Variants in KMT2C observed in about 807,000 individuals in gnomAD.
KMT2C encodes the protein histone-lysine N-methyltransferase 2C.
Under a neutral mutation model 507.9 loss-of-function variants are expected in KMT2C, and 88 were observed. That is an observed-to-expected ratio of 0.17 (90% CI 0.15 to 0.21). The LOEUF is 0.21. Ranked by LOEUF, KMT2C falls within the 10% of genes least tolerant of loss-of-function variation. The probability of loss-of-function intolerance (pLI) is 1.00; values close to 1 mark genes in which losing one functional copy is unlikely to be tolerated. For synonymous variants in KMT2C, 2,049 were observed against 2,080.8 expected (o/e 0.98, Z 0.42); for missense variants, 4,954 against 5,957.8 (o/e 0.83, Z 5.55).
At position 152,179,666 on chromosome 7, in the gene KMT2C, G is replaced by C. The variant is rs569646736; in HGVS notation, c.7442+168C>G. 1.4e-3 allele frequency among the ~76,000 whole-genome samples: 204 copies of C among 144,062 alleles called. 5 individuals are homozygous for C. The highest frequency in any genetic ancestry group is 8.5e-3 in the East Asian group (42 of 4,924). The allele number at this position is 144,062 out of a possible 152,430, so 94.5% of individuals were successfully genotyped here. ...TAAATTTGTTGAAGAGGTTGGGGGG[G>C]GGGGGGGGTGGTCTCACTATATTGC... On this transcript the variant is annotated intron_variant, in intron 37 of 58. Transcript: ENST00000262189.
At position 152,176,753 on chromosome 7, in the gene KMT2C, T is replaced by G. The variant is rs2129113590; in HGVS notation, c.8700A>C (p.Leu2900=). The change falls in exon 38 of 59, where the codon CTA becomes CTC. Residue 2900 remains leucine (L), a synonymous_variant. Coordinates refer to ENST00000262189, the MANE Select transcript of KMT2C (RefSeq NM_170606.3). ...SANVIQASTQ[L]PAQDVINSCG... The stretch of plus-strand genomic sequence containing the variant: ...AAGAGTTTATTACATCTTGAGCAGG[T>G]AGTTGAGTGGATGCCTGAATGACAT... 4.3e-6 allele frequency: 7 copies of G among 1,614,186 alleles called. No homozygotes were observed. The highest frequency in any genetic ancestry group is 5.9e-6 in the Non-Finnish European group (7 of 1,180,028).
chr7:152,264,330 T>C (rs2095827532), intron 8 of KMT2C, among the ~76,000 whole-genome samples: 1 of 152,288 alleles, frequency 6.6e-6, no homozygotes, highest in East Asian at 1.9e-4. Context: ...ATGAAGATAC[T>C]GGTAACATCC....
intron 1 of KMT2C, among the ~76,000 whole-genome samples, chr7:152,373,663 G>T (rs1357898848): frequency 1.3e-5 from 2 of 152,146 alleles, no homozygotes; most frequent in African/African-American, 4.8e-5. Context: ...TTTATCAACT[G>T]AAATGTTAAA....
intron 2 of KMT2C, among the ~76,000 whole-genome samples, chr7:152,355,614 A>T (rs369258119): frequency 5.3e-5 from 8 of 151,992 alleles, no homozygotes; most frequent in African/African-American, 1.7e-4. Flanking sequence ...GTCAAGTTTT[A>T]AAAAAAAGTT....
intron 6 of KMT2C, among the ~76,000 whole-genome samples, chr7:152,282,458 A>G (rs1340878999): frequency 6.6e-6 from 1 of 152,272 alleles, no homozygotes; most frequent in Non-Finnish European, 1.5e-5. Flanking sequence ...ACGGTAAAAT[A>G]AATAAATTAT....
At position 152,179,822 on chromosome 7, in the gene KMT2C, TA is replaced by T; in HGVS notation, c.7442+11del. The T allele has an allele frequency of 6.2e-7, 1 of 1,610,548 alleles. No homozygotes were observed. Among genetic ancestry groups the T allele is most frequent in the Non-Finnish European group, 8.5e-7 (1 of 1,177,970 alleles). On this transcript the variant is annotated intron_variant, in intron 37 of 58. Coordinates refer to ENST00000262189, the MANE Select transcript of KMT2C (RefSeq NM_170606.3). ...TAGCAATTTAAATTCGGCAGGAAATTAAAAGCATTACCTAAATCCATGAGGT... is the reference window on the plus strand; with the variant it reads ...TAGCAATTTAAATTCGGCAGGAAATTAAAGCATTACCTAAATCCATGAGGT...
Position 152,167,048 on chromosome 7 carries a change from CAAA to C in KMT2C, c.9750+95_9750+97del, listed in dbSNP as rs758737694. ...ACTTTTAATGCCATTTAATACTAGT[CAAA>C]AAAAATCACTAGTCAAAGTCACTAA... On this transcript the variant is annotated intron_variant, in intron 42 of 58. Transcript: ENST00000262189. 1.6e-5 allele frequency: 15 copies of C among 959,990 alleles called. No homozygotes were observed. The South Asian group carries it at 2.4e-4, about 16-fold the overall frequency. The allele number at this position is 959,990 out of a possible 1,614,324, so 59.5% of individuals were successfully genotyped here. A position where few individuals can be genotyped will look rare whatever the true frequency, so the allele number is the denominator to read the frequency against.
chr7:152,140,596 A>G (rs1281899986), intron 55 of KMT2C, among the ~76,000 whole-genome samples: 1 of 152,224 alleles, frequency 6.6e-6, no homozygotes, highest in Non-Finnish European at 1.5e-5. Context: ...AACTGAATGC[A>G]AAAGTACTAG....
At chr7:152,330,779 T>C (rs1297926826) in intron 2 of KMT2C, 40 bp from the exon 3 acceptor site, 2 of 1,594,396 alleles carry the variant, frequency 1.3e-6, no homozygotes, top group South Asian at 2.2e-5. Flanking sequence ...GAGTCATTTT[T>C]GTGTTTATTT....
chr7:152,243,057 G>A (rs1237650971), intron 14 of KMT2C, among the ~76,000 whole-genome samples: 110 of 152,312 alleles, frequency 7.2e-4, no homozygotes, highest in African/African-American at 2.5e-3. Context: ...ATACAGTGGA[G>A]CTACAGCAGC....
chr7:152,185,606 A>G lies in KMT2C; in HGVS notation c.5034T>C (p.Ile1678=). The change falls in exon 34 of 59, where the codon ATT becomes ATC. Residue 1678 remains isoleucine, a synonymous_variant. Coordinates refer to ENST00000262189, the MANE Select transcript of KMT2C (RefSeq NM_170606.3). ...FPDWTTRVKQ[I]AKLWRKASSQ... is the part of the protein sequence containing the mutation. ...AGCTTGCTTTTCTCCACAATTTGGC[A>G]ATTTGCTTCACTCTAGTAGTCCAAT... The G allele has an allele frequency of 6.2e-7, 1 of 1,613,550 alleles. No individual in the cohort carries two copies. Among genetic ancestry groups the G allele is most frequent in the Non-Finnish European group, 8.5e-7 (1 of 1,179,846 alleles).
At position 152,310,414 on chromosome 7, in the gene KMT2C, A is replaced by G. The variant is rs547844900; in HGVS notation, c.740-339T>C. Among the ~76,000 whole-genome samples, 7 of 152,244 alleles carry G rather than the reference A, an allele frequency of 4.6e-5. No individual in the cohort carries two copies. The South Asian group carries it at 1.2e-3, about 27-fold the overall frequency. On this transcript the variant is annotated intron_variant, in intron 5 of 58. Coordinates refer to ENST00000262189, the MANE Select transcript of KMT2C (RefSeq NM_170606.3). Reference sequence around the variant, plus strand: ...AACATGGCAAAACCCTGTCTCTACAAATTAGCTGGGCGTGGTGGTGCACGC... The same window carrying G: ...AACATGGCAAAACCCTGTCTCTACAGATTAGCTGGGCGTGGTGGTGCACGC...
Position 152,248,573 on chromosome 7 carries a change from T to C in KMT2C, c.1861A>G (p.Asn621Asp). 3 of 1,613,558 alleles carry C rather than the reference T, an allele frequency of 1.9e-6. No individual in the cohort carries two copies. Among genetic ancestry groups the C allele is most frequent in the Non-Finnish European group, 2.5e-6 (3 of 1,179,604 alleles). The change falls in exon 14 of 59, where the codon AAT (asparagine) becomes GAT (aspartate). Residue 621 changes from asparagine to aspartate, a missense_variant. Asn to Asp is a conservative substitution (Grantham distance 23). Around this residue, in one of 29 missense-constraint regions of KMT2C, gnomAD observed 376 missense variants for 352.4 expected, o/e 1.07. Transcript: ENST00000262189. ...VNTELEKQISNEVDSEDLKMS... is the reference protein window; with the variant it reads ...VNTELEKQISDEVDSEDLKMS... ...TTCAGGTCTTCACTATCAACTTCAT[T>C]AGAAATCTGTTTTTCCAATTCAGTA...
chr7:152,239,027 C>T (rs2095335539), intron 14 of KMT2C: 2 of 464,792 alleles, frequency 4.3e-6, no homozygotes, highest in East Asian at 4.4e-5. Flanking sequence ...TTTGCTGCTA[C>T]AATTTACATT....
In KMT2C at chr7:152,171,773, T is replaced by A. The variant is rs553535911; in HGVS notation, c.9375-431A>T. Among the ~76,000 whole-genome samples, 29 of 152,360 alleles carry A rather than the reference T, an allele frequency of 1.9e-4. No individual in the cohort carries two copies. The South Asian group carries it at 5.6e-3, about 29-fold the overall frequency. Reference sequence around the variant, plus strand: ...AAGGAAATGTTTTCTCATTCCAGTCTGTGTTAAAAACTAATTGAGAGCTTA... The same window carrying A: ...AAGGAAATGTTTTCTCATTCCAGTCAGTGTTAAAAACTAATTGAGAGCTTA... On this transcript the variant is annotated intron_variant, in intron 39 of 58. Coordinates refer to ENST00000262189, the MANE Select transcript of KMT2C (RefSeq NM_170606.3).
intron 23 of KMT2C, among the ~76,000 whole-genome samples, chr7:152,209,743 T>TTA (rs2094409284): frequency 8.6e-6 from 1 of 116,342 alleles, no homozygotes; most frequent in African/African-American, 3.2e-5. Context: ...CAATCTCCTT[T>TTA]AAAAAAAAAA....
Position 152,284,220 on chromosome 7 carries a change from G to GA in KMT2C, c.850-10354dup, listed in dbSNP as rs35556873. ...AACATAAATATCAACTCATGATTTT[G>GA]AAAAAAAATCTTTATGTTTGGTTTT... On this transcript the variant is annotated intron_variant, in intron 6 of 58. Coordinates refer to ENST00000262189, the MANE Select transcript of KMT2C (RefSeq NM_170606.3). Among the ~76,000 whole-genome samples, 107 of 151,384 alleles carry GA rather than the reference G, an allele frequency of 7.1e-4. 1 individual carries two copies. Among genetic ancestry groups the GA allele is most frequent in the Admixed American group, 2.7e-3 (41 of 15,224 alleles).
rs1232930643 is a variant in KMT2C, at chr7:152,252,057, A to G, written c.1503T>C (p.Asp501=). The G allele has an allele frequency of 1.2e-6, 2 of 1,611,940 alleles. No individual in the cohort carries two copies. Among genetic ancestry groups the G allele is most frequent in the Non-Finnish European group, 8.5e-7 (1 of 1,178,850 alleles). The change falls in exon 11 of 59, where the codon GAT becomes GAC. Residue 501 remains aspartate (D), a synonymous_variant. Transcript: ENST00000262189. ...CTTTGAGCTGAGTATCCAGTTCATGATCTGTTGGTTTGTCACACTCTAGGT... is the reference window on the plus strand; with the variant it reads ...CTTTGAGCTGAGTATCCAGTTCATGGTCTGTTGGTTTGTCACACTCTAGGT... ...WVHLECDKPT[D]HELDTQLKEE... is the part of the protein sequence containing the mutation.
Position 152,295,793 on chromosome 7 carries a change from G to A in KMT2C, c.849+14173C>T, listed in dbSNP as rs375447157. 6.5e-4 allele frequency among the ~76,000 whole-genome samples: 99 copies of A among 152,244 alleles called. 1 individual carries two copies. Among genetic ancestry groups the A allele is most frequent in the East Asian group, 4.3e-3 (22 of 5,172 alleles). On this transcript the variant is annotated intron_variant, in intron 6 of 58. Coordinates refer to ENST00000262189, the MANE Select transcript of KMT2C (RefSeq NM_170606.3). ...TTAAGATATGAACGCTCGGCTGGGCGCAGTGGCTCACGCCTGTAATCCCAG... is the reference window on the plus strand; with the variant it reads ...TTAAGATATGAACGCTCGGCTGGGCACAGTGGCTCACGCCTGTAATCCCAG...
Sources: gnomAD v4.1 joint callset for allele counts (sites outside exome capture counted in the v4.1 genomes callset) on GRCh38, gnomAD v4.1.1 for gene constraint, gnomAD v4.1.1 regional missense constraint, MANE v1.5 for transcripts, NCBI Gene and HGNC (gene_info 2026-07-23, HGNC 2026-07-21) for gene names.